LRMDA: variants seen among roughly 807,000 people sequenced by gnomAD.
The protein encoded by LRMDA is leucine-rich melanocyte differentiation-associated protein.
A neutral mutation model predicts 29.8 loss-of-function variants in LRMDA; 18 were observed. The ratio of observed to expected loss-of-function variants is 0.60; its 90% CI spans 0.42 to 0.90. The LOEUF (loss-of-function observed/expected upper bound fraction) is 0.90. Ranked by LOEUF, LRMDA falls within the 40% of genes least tolerant of loss-of-function variation. The probability of loss-of-function intolerance (pLI) is 0.00; values close to 1 mark genes in which losing one functional copy is unlikely to be tolerated. For missense variants in LRMDA, 273 were observed against 273.9 expected (o/e 1.00, Z 0.02); for synonymous variants, 125 against 109.4 (o/e 1.14, Z -0.89).
rs1842080452 is a variant in LRMDA at position 75,686,256 on chromosome 10, G to A, written c.131+247762G>A. Among the ~76,000 whole-genome samples the A allele has an allele frequency of 2.0e-5, 3 of 152,160 alleles. No individual in the cohort carries two copies. In the South Asian group the frequency reaches 6.2e-4, roughly 32 times the overall value. The stretch of plus-strand genomic sequence containing the variant: ...GAGATGTGATCATGTGAGTGGAAAG[G>A]CAGAGGAGAGCTGGGTGGTGAGGCC... On this transcript the variant is annotated intron_variant, in intron 2 of 6. Transcript: ENST00000611255.
chr10:75,520,015 C>T (rs1260042730), intron 2 of LRMDA, among the ~76,000 whole-genome samples: 1 of 152,194 alleles, frequency 6.6e-6, no homozygotes, highest in Non-Finnish European at 1.5e-5. Flanking sequence ...CCCCCACTGT[C>T]TTCTGGCTTG....
chr10:76,375,933 CAG>C (rs1177799589), intron 6 of LRMDA, among the ~76,000 whole-genome samples: 10 of 151,858 alleles, frequency 6.6e-5, no homozygotes, highest in Admixed American at 3.3e-4. Context: ...GAAAAGGAAA[CAG>C]AGAGTAAGAA....
At chr10:75,540,114 A>T (rs1039757110) in intron 2 of LRMDA, among the ~76,000 whole-genome samples, 1 of 152,184 alleles carries the variant, frequency 6.6e-6, no homozygotes, top group Admixed American at 6.5e-5. Context: ...ATTATACCAT[A>T]TTGAAAATAA....
chr10:75,463,717 G>T (rs1844617013), intron 2 of LRMDA, among the ~76,000 whole-genome samples: 1 of 152,098 alleles, frequency 6.6e-6, no homozygotes. Context: ...GCCCAGGCTG[G>T]AGTGCAATGG....
At chr10:76,158,672 A>G (rs1850588133) in intron 5 of LRMDA, among the ~76,000 whole-genome samples, 1 of 152,204 alleles carries the variant, frequency 6.6e-6, no homozygotes, top group African/African-American at 2.4e-5. Context: ...GTTGAATATC[A>G]GAACTGCAAG....
rs987230729 is a variant in LRMDA at position 75,848,171 on chromosome 10, T to C, written c.132-187837T>C. Among the ~76,000 whole-genome samples, 8 of 152,158 alleles carry C rather than the reference T, an allele frequency of 5.3e-5. No individual in the cohort carries two copies. In the East Asian group the frequency reaches 1.5e-3, roughly 29 times the overall value. On this transcript the variant is annotated intron_variant, in intron 2 of 6. Coordinates refer to ENST00000611255, the MANE Select transcript of LRMDA (RefSeq NM_001305581.2). ...TAGGTAGAAGCAGCCCAAATGTCCA[T>C]CAATGGATGAATGGATAAAGAAAAT...
chr10:75,721,488 A>G (rs566782854), intron 2 of LRMDA, among the ~76,000 whole-genome samples: 80 of 152,336 alleles, frequency 5.3e-4, no homozygotes, highest in Admixed American at 6.5e-4. Flanking sequence ...TTCATAATAC[A>G]TTATTCAAAA....
intron 5 of LRMDA, among the ~76,000 whole-genome samples, chr10:76,170,676 A>G (rs1350546865): frequency 6.6e-6 from 1 of 152,236 alleles, no homozygotes; most frequent in African/African-American, 2.4e-5. Context: ...TTATCATATA[A>G]AGGAAACTAT....
At chr10:76,382,376 A>G (rs752256981) in intron 6 of LRMDA, among the ~76,000 whole-genome samples, 4 of 152,206 alleles carry the variant, frequency 2.6e-5, no homozygotes, top group African/African-American at 7.2e-5. Context: ...TTTTCCACCA[A>G]CAACACCAAC....
chr10:76,091,311 G>GTGTGTC (rs1419340124), intron 5 of LRMDA, among the ~76,000 whole-genome samples: 2 of 150,200 alleles, frequency 1.3e-5, no homozygotes, highest in Admixed American at 1.3e-4. Context: ...GTGTGTGTGT[G>GTGTGTC]TGTGTGTCTG....
At chr10:75,594,897 T>A (rs915994546) in intron 2 of LRMDA, among the ~76,000 whole-genome samples, 1 of 152,212 alleles carries the variant, frequency 6.6e-6, no homozygotes, top group African/African-American at 2.4e-5. Context: ...TCCCTGTTTT[T>A]TCCTATCCAT....
At chr10:75,694,164 T>C (rs1440463387) in intron 2 of LRMDA, among the ~76,000 whole-genome samples, 1 of 152,228 alleles carries the variant, frequency 6.6e-6, no homozygotes, top group African/African-American at 2.4e-5. Context: ...TGTGCATGTT[T>C]GTGTGTTTAT....
At chr10:75,987,035 C>G (rs1475598036) in intron 2 of LRMDA, among the ~76,000 whole-genome samples, 1 of 152,122 alleles carries the variant, frequency 6.6e-6, no homozygotes, top group Non-Finnish European at 1.5e-5. Context: ...TAGTTTGGAG[C>G]TGCTGTGTCT....
intron 6 of LRMDA, among the ~76,000 whole-genome samples, chr10:76,508,143 A>G (rs770955982): frequency 3.3e-5 from 5 of 152,142 alleles, no homozygotes; most frequent in African/African-American, 7.2e-5. Context: ...TGTGATATCA[A>G]TTTCTCCCAG....
chr10:76,177,029 A>G (rs1403001921), intron 5 of LRMDA, among the ~76,000 whole-genome samples: 2 of 152,164 alleles, frequency 1.3e-5, no homozygotes, highest in African/African-American at 4.8e-5. Context: ...CTGGGCACCC[A>G]ATGGTGTGTT....
At chr10:75,887,280 G>A (rs560495768) in intron 2 of LRMDA, among the ~76,000 whole-genome samples, 1 of 152,034 alleles carries the variant, frequency 6.6e-6, no homozygotes, top group South Asian at 2.1e-4. Context: ...GTCTCAAAAT[G>A]AGGATAAAGC....
intron 2 of LRMDA, among the ~76,000 whole-genome samples, chr10:75,552,283 A>G (rs943465901): frequency 6.6e-5 from 10 of 152,144 alleles, no homozygotes; most frequent in Admixed American, 4.6e-4. Context: ...TTTTTAGCAG[A>G]TACTTTCACT....
intron 2 of LRMDA, among the ~76,000 whole-genome samples, chr10:75,545,548 G>C (rs1840070168): frequency 6.6e-6 from 1 of 152,168 alleles, no homozygotes; most frequent in East Asian, 1.9e-4. Context: ...GCTTACACTA[G>C]ACCTTAGTTA....
At chr10:76,324,521 C>T (rs1325403033) in intron 6 of LRMDA, 36 bp downstream of exon 6, 3 of 1,574,576 alleles carry the variant, frequency 1.9e-6, no homozygotes, top group Non-Finnish European at 1.7e-6. Flanking sequence ...TCAGTGGGTG[C>T]AGGGAGGGAC....
Sources: gnomAD v4.1 joint callset for allele counts (sites outside exome capture counted in the v4.1 genomes callset) on GRCh38, gnomAD v4.1.1 for gene constraint, MANE v1.5 for transcripts, NCBI Gene and HGNC (gene_info 2026-07-23, HGNC 2026-07-21) for gene names.